DNAJC1: variants seen among roughly 807,000 people sequenced by gnomAD.
DNAJC1 encodes dnaJ homolog subfamily C member 1.
In DNAJC1, 58 loss-of-function variants were observed where a neutral mutation model predicts 76.6. The observed-to-expected ratio is 0.76, with a 90% CI of 0.61 to 0.94. The LOEUF (loss-of-function observed/expected upper bound fraction) is 0.94, where lower values mean the gene tolerates loss of function less well. DNAJC1 is among the 40% of genes least tolerant of loss of function. The pLI, the probability that DNAJC1 is intolerant of heterozygous loss-of-function variation, is 0.00. For synonymous variants in DNAJC1, 258 were observed against 267.9 expected (o/e 0.96, Z 0.36); for missense variants, 689 against 677.3 (o/e 1.02, Z -0.19).
At chr10:21,779,815 C>T (rs1382670964) in intron 9 of DNAJC1, among the ~76,000 whole-genome samples, 2 of 152,218 alleles carry the variant, frequency 1.3e-5, no homozygotes, top group African/African-American at 4.8e-5. Context: ...GGAGGATGTT[C>T]GAACCCATCG....
At chr10:21,817,114 C>T (rs1335665832) in intron 8 of DNAJC1, among the ~76,000 whole-genome samples, 18 of 137,146 alleles carry the variant, frequency 1.3e-4, no homozygotes, top group Admixed American at 1.2e-3. Context: ...GAGCTGAGAT[C>T]GCGCCACTGC....
At chr10:21,891,112 C>A (rs962185160) in intron 7 of DNAJC1, among the ~76,000 whole-genome samples, 3 of 152,062 alleles carry the variant, frequency 2.0e-5, no homozygotes, top group Admixed American at 1.3e-4. Flanking sequence ...ATCGCTTGAA[C>A]CCAGGAGGCG....
At chr10:21,796,401 G>C (rs773076598) in intron 9 of DNAJC1, among the ~76,000 whole-genome samples, 1 of 152,150 alleles carries the variant, frequency 6.6e-6, no homozygotes, top group Non-Finnish European at 1.5e-5. Flanking sequence ...TGCAATGAAC[G>C]GGGAAGTGCA....
At chr10:21,775,936 G>A (rs1046914361) in intron 9 of DNAJC1, among the ~76,000 whole-genome samples, 6 of 151,984 alleles carry the variant, frequency 3.9e-5, no homozygotes, top group African/African-American at 1.5e-4. Flanking sequence ...TAACTGTGGT[G>A]GAATATGTTT....
Position 21,838,054 on chromosome 10 carries a change from C to T in DNAJC1, c.979-31955G>A, listed in dbSNP as rs1035581725. Among the ~76,000 whole-genome samples, 8 of 151,712 alleles carry T rather than the reference C, an allele frequency of 5.3e-5. No individual in the cohort carries two copies. In the East Asian group the frequency reaches 9.9e-4, roughly 19 times the overall value. Reference sequence around the variant, plus strand: ...TGCCCCGTCCGGGAGGTGGGGGGCGCCTCTGCCTGGCCGCCCCTTCTGGGA... The same window carrying T: ...TGCCCCGTCCGGGAGGTGGGGGGCGTCTCTGCCTGGCCGCCCCTTCTGGGA... On this transcript the variant is annotated intron_variant, in intron 8 of 11. Transcript: ENST00000376980.
intron 9 of DNAJC1, among the ~76,000 whole-genome samples, chr10:21,791,986 A>G (rs1834694599): frequency 6.6e-6 from 1 of 152,196 alleles, no homozygotes; most frequent in African/African-American, 2.4e-5. Context: ...AGCGTAACCA[A>G]AAGAAATGAA....
Position 21,774,387 on chromosome 10 carries a change from T to C in DNAJC1, c.1099-8078A>G, listed in dbSNP as rs1589975131. 3.9e-5 allele frequency among the ~76,000 whole-genome samples: 6 copies of C among 152,334 alleles called. No homozygotes were observed. The Middle Eastern group carries it at 0.017, about 432-fold the overall frequency. ...AAATACACGTGACCTCAGAATCTCA[T>C]AACCTGAGATTCATATAACTCTCTA... On this transcript the variant is annotated intron_variant, in intron 9 of 11. Coordinates refer to ENST00000376980, the MANE Select transcript of DNAJC1 (RefSeq NM_022365.4).
intron 1 of DNAJC1, among the ~76,000 whole-genome samples, chr10:21,945,660 T>C (rs1837492066): frequency 6.6e-6 from 1 of 152,166 alleles, no homozygotes; most frequent in African/African-American, 2.4e-5. Context: ...ATCTTGGCCA[T>C]ATATAAAATG....
At chr10:21,913,611 T>C (rs1836903626) in intron 6 of DNAJC1, among the ~76,000 whole-genome samples, 1 of 152,170 alleles carries the variant, frequency 6.6e-6, no homozygotes, top group Non-Finnish European at 1.5e-5. Context: ...GAACATATAA[T>C]CAATTTAAAA....
At chr10:21,958,489 C>A (rs982604999) in intron 1 of DNAJC1, among the ~76,000 whole-genome samples, 1 of 150,218 alleles carries the variant, frequency 6.7e-6, no homozygotes, top group African/African-American at 2.5e-5. Context: ...AGTGCAGTGG[C>A]GCGATCTCGG....
chr10:21,888,551 A>G (rs1449919907), intron 7 of DNAJC1, among the ~76,000 whole-genome samples: 2 of 152,218 alleles, frequency 1.3e-5, no homozygotes, highest in Non-Finnish European at 2.9e-5. Context: ...GATACTATGC[A>G]GCCATAAAAT....
rs372707490 is a variant in DNAJC1 at position 21,849,827 on chromosome 10, T to C, written c.978+32455A>G. Among the ~76,000 whole-genome samples, 22 of 152,214 alleles carry C rather than the reference T, an allele frequency of 1.4e-4. No individual in the cohort carries two copies. In the East Asian group the frequency reaches 3.1e-3, roughly 21 times the overall value. ...GGTTCAACATGAGAAAATCATTCAA[T>C]GTAATACATCACATTAATAGATAAA... On this transcript the variant is annotated intron_variant, in intron 8 of 11. Coordinates refer to ENST00000376980, the MANE Select transcript of DNAJC1 (RefSeq NM_022365.4).
At chr10:21,964,709 T>C (rs1369039821) in intron 1 of DNAJC1, among the ~76,000 whole-genome samples, 1 of 132,316 alleles carries the variant, frequency 7.6e-6, no homozygotes, top group African/African-American at 2.7e-5. Context: ...AGTCTGTTGG[T>C]TTTTTTTTTT....
At chr10:21,790,450 G>A (rs1834670497) in intron 9 of DNAJC1, among the ~76,000 whole-genome samples, 1 of 150,172 alleles carries the variant, frequency 6.7e-6, no homozygotes, top group South Asian at 2.1e-4. Context: ...ATTCCCATTA[G>A]ATTTCTCCAG....
intron 8 of DNAJC1, among the ~76,000 whole-genome samples, chr10:21,868,683 G>A (rs1836050846): frequency 6.6e-6 from 1 of 151,974 alleles, no homozygotes; most frequent in South Asian, 2.1e-4. Context: ...AGAGGTTAAG[G>A]AGGGTGAGTA....
intron 9 of DNAJC1, among the ~76,000 whole-genome samples, chr10:21,772,957 G>C (rs187148189): frequency 3.9e-4 from 60 of 152,244 alleles, no homozygotes; most frequent in African/African-American, 1.3e-3. Flanking sequence ...GAGGAACAGA[G>C]AGCGAGGGGG....
intron 8 of DNAJC1, among the ~76,000 whole-genome samples, chr10:21,814,982 T>G (rs1343735812): frequency 2.6e-5 from 4 of 152,146 alleles, no homozygotes. Context: ...TAAGGTAGAC[T>G]CACCAAAGGT....
chr10:21,838,067 G>A (rs1355832903), intron 8 of DNAJC1, among the ~76,000 whole-genome samples: 15 of 147,038 alleles, frequency 1.0e-4, no homozygotes, highest in African/African-American at 2.8e-4. Context: ...CTGCCTGGCC[G>A]CCCCTTCTGG....
Position 21,844,744 on chromosome 10 carries a change from T to C in DNAJC1, c.978+37538A>G, listed in dbSNP as rs1409864506. Among the ~76,000 whole-genome samples, 3 of 152,084 alleles carry C rather than the reference T, an allele frequency of 2.0e-5. 1 individual carries two copies. The highest frequency in any genetic ancestry group is 4.1e-4 in the South Asian group (2 of 4,824). On this transcript the variant is annotated intron_variant, in intron 8 of 11. Coordinates refer to ENST00000376980, the MANE Select transcript of DNAJC1 (RefSeq NM_022365.4). The stretch of plus-strand genomic sequence containing the variant: ...AAAAATGGCTGTTTTTTTAAAAAAA[T>C]AGATTTTTGGCTGTGCACAGTGACT...
Sources: gnomAD v4.1 joint callset for allele counts (sites outside exome capture counted in the v4.1 genomes callset) on GRCh38, gnomAD v4.1.1 for gene constraint, MANE v1.5 for transcripts, NCBI Gene and HGNC (gene_info 2026-07-23, HGNC 2026-07-21) for gene names.